Variants in GRIP1 observed in about 807,000 individuals in gnomAD.
The protein encoded by GRIP1 is glutamate receptor interacting protein 1, also known as glutamate receptor-interacting protein 1.
GRIP1 carries 45 observed loss-of-function variants against 129.9 expected under a neutral mutation model. The observed-to-expected ratio is 0.35, with a 90% CI of 0.27 to 0.44. GRIP1 has a LOEUF of 0.44. GRIP1 is among the 20% of genes least tolerant of loss of function. The pLI is 1.00. For missense variants in GRIP1, 1,196 were observed against 1,396.8 expected, an observed-to-expected ratio of 0.86 and a Z score of 2.29; for synonymous variants, 530 against 520.8, an observed-to-expected ratio of 1.02 and a Z score of -0.24.
intron 1 of GRIP1, among the ~76,000 whole-genome samples, chr12:66,767,874 C>T (rs1329407312): frequency 6.6e-6 from 1 of 152,162 alleles, no homozygotes; most frequent in Non-Finnish European, 1.5e-5. Context: ...CCCTTTTGAA[C>T]AACGTGAAGG....
Position 66,699,612 on chromosome 12 carries a change from T to A in GRIP1, c.-419-69276A>T, listed in dbSNP as rs146252164. Among the ~76,000 whole-genome samples, 14 of 152,348 alleles carry A rather than the reference T, an allele frequency of 9.2e-5. No homozygotes were observed. In the East Asian group the frequency reaches 2.3e-3, roughly 25 times the overall value. ...TCCTCAGCTGTGTGGAACTGTGAGT[T>A]CATTAAGCCTCTTTCAGTCTTGGGA... On this transcript the variant is annotated intron_variant, in intron 1 of 4. Transcript: ENST00000538373.
intron 1 of GRIP1, among the ~76,000 whole-genome samples, chr12:66,762,835 G>T (rs1012166700): frequency 5.3e-5 from 8 of 152,166 alleles, no homozygotes; most frequent in Admixed American, 4.6e-4. Context: ...GATTGATTCT[G>T]CCCTGGGGAT....
chr12:66,649,915 G>A (rs75266880), intron 1 of GRIP1, among the ~76,000 whole-genome samples: 4,383 of 152,232 alleles, frequency 0.029, 201 homozygotes, highest in African/African-American at 0.099. Context: ...ATGAACCAAA[G>A]TGGTGTGTTT....
chr12:67,035,814 C>T (rs1358076288), intron 1 of GRIP1, among the ~76,000 whole-genome samples: 1 of 152,152 alleles, frequency 6.6e-6, no homozygotes, highest in Non-Finnish European at 1.5e-5. Context: ...TTATATTCTA[C>T]ACATCATTTA....
At chr12:66,588,717 T>G (rs756806976) in intron 2 of GRIP1, among the ~76,000 whole-genome samples, 1 of 152,092 alleles carries the variant, frequency 6.6e-6, no homozygotes, top group African/African-American at 2.4e-5. Flanking sequence ...ACGCTTGTAA[T>G]CCCAGCACTT....
chr12:66,897,132 A>G (rs541854475), intron 1 of GRIP1, among the ~76,000 whole-genome samples: 30 of 152,292 alleles, frequency 2.0e-4, no homozygotes, highest in African/African-American at 7.2e-4. Flanking sequence ...AAACAGTTAG[A>G]AATTCACAGT....
intron 7 of GRIP1, among the ~76,000 whole-genome samples, chr12:66,496,086 CT>C (rs1592430882): frequency 6.6e-6 from 1 of 152,260 alleles, no homozygotes; most frequent in East Asian, 1.9e-4. Context: ...CAGTACCTTT[CT>C]TTTTCTAACC....
At chr12:66,509,756 A>G (rs1290325017) in intron 7 of GRIP1, among the ~76,000 whole-genome samples, 1 of 152,108 alleles carries the variant, frequency 6.6e-6, no homozygotes, top group East Asian at 1.9e-4. Flanking sequence ...ATGAGAACAC[A>G]TGGACACATG....
chr12:66,637,424 C>T (rs1159022722), intron 1 of GRIP1, among the ~76,000 whole-genome samples: 1 of 151,666 alleles, frequency 6.6e-6, no homozygotes, highest in Non-Finnish European at 1.5e-5. Flanking sequence ...CTACATACTA[C>T]ATACTCTTAT....
intron 1 of GRIP1, among the ~76,000 whole-genome samples, chr12:66,880,003 A>T (rs925819164): frequency 6.6e-6 from 1 of 152,140 alleles, no homozygotes; most frequent in Non-Finnish European, 1.5e-5. Flanking sequence ...GTTCATGCTA[A>T]GGCCTACTGG....
intron 1 of GRIP1, among the ~76,000 whole-genome samples, chr12:66,667,470 G>A (rs1042206276): frequency 1.3e-5 from 2 of 152,166 alleles, no homozygotes; most frequent in African/African-American, 4.8e-5. Flanking sequence ...TCCAAAAGAT[G>A]TCAATGATCC....
At chr12:66,979,252 A>AAAAAAAAAAAAAACAAC (rs772753895) in intron 1 of GRIP1, among the ~76,000 whole-genome samples, 2 of 110,162 alleles carry the variant, frequency 1.8e-5, no homozygotes, top group African/African-American at 3.3e-5. Context: ...AAAAAAAAAA[A>AAAAAAAAAAAAAACAAC]AACAAGCCCG....
At chr12:66,660,152 G>C (rs1322157214) in intron 1 of GRIP1, among the ~76,000 whole-genome samples, 1 of 152,156 alleles carries the variant, frequency 6.6e-6, no homozygotes, top group Non-Finnish European at 1.5e-5. Context: ...TGTCTTTGAA[G>C]TAAGGAATCA....
intron 23 of GRIP1, among the ~76,000 whole-genome samples, chr12:66,358,543 C>A (rs1465482945): frequency 6.6e-6 from 1 of 152,124 alleles, no homozygotes; most frequent in Non-Finnish European, 1.5e-5. Flanking sequence ...ACCTCCCAGG[C>A]TCAGGCGATT....
Position 66,727,678 on chromosome 12 carries a change from A to G in GRIP1, c.-420+76375T>C, listed in dbSNP as rs1023080877. On this transcript the variant is annotated intron_variant, in intron 1 of 4. Coordinates refer to the GRIP1 transcript ENST00000538373. ...AATATTTTTATTTTACTTTTTTTCA[A>G]TGCCACTGAAAATTCTTCATTCTTT... Among the ~76,000 whole-genome samples, 4 of 152,222 alleles carry G rather than the reference A, an allele frequency of 2.6e-5. No individual in the cohort carries two copies. In the East Asian group the frequency reaches 7.7e-4, roughly 29 times the overall value.
chr12:66,679,102 C>G, upstream of GRIP1: 2 of 1,475,596 alleles, frequency 1.4e-6, no homozygotes, highest in Non-Finnish European at 1.8e-6. Context: ...TTCACTACTA[C>G]TACCACCCCT....
intron 1 of GRIP1, among the ~76,000 whole-genome samples, chr12:66,980,832 G>A (rs188652847): frequency 4.7e-4 from 71 of 152,208 alleles, no homozygotes; most frequent in African/African-American, 1.2e-3. Context: ...ATGTAGTTTC[G>A]ATTATTCAGT....
chr12:66,408,372 G>A (rs373056329), intron 15 of GRIP1, among the ~76,000 whole-genome samples: 104 of 152,230 alleles, frequency 6.8e-4, no homozygotes, highest in African/African-American at 2.2e-3. Context: ...CCAGCTATTC[G>A]GGAGGCTGAG....
chr12:66,377,300 C>A lies in GRIP1; in HGVS notation c.2622-15G>T. 6.6e-7 allele frequency: 1 copy of A among 1,506,378 alleles called. No individual in the cohort carries two copies. Among genetic ancestry groups the A allele is most frequent in the Non-Finnish European group, 9.2e-7 (1 of 1,082,430 alleles). The allele number at this position is 1,506,378 out of a possible 1,614,324, so 93.3% of individuals were successfully genotyped here. A position where few individuals can be genotyped will look rare whatever the true frequency, so the allele number is the denominator to read the frequency against. The stretch of plus-strand genomic sequence containing the variant: ...CCCCTGCAAAACTGTTGTCAAGAAA[C>A]ACAGGCTGGGTTAGGAACTTGCCAG... On this transcript the variant is annotated splice_polypyrimidine_tract_variant and intron_variant, in intron 20 of 24. Transcript: ENST00000359742.
Sources: gnomAD v4.1 joint callset for allele counts (sites outside exome capture counted in the v4.1 genomes callset) on GRCh38, gnomAD v4.1.1 for gene constraint, MANE v1.5 for transcripts, NCBI Gene and HGNC (gene_info 2026-07-23, HGNC 2026-07-21) for gene names.